Variants in TVP23C observed in about 807,000 individuals in gnomAD.
TVP23C encodes trans-golgi network vesicle protein 23 homolog C, also known as Golgi apparatus membrane protein TVP23 homolog C.
A neutral mutation model predicts 28.7 loss-of-function variants in TVP23C; 19 were observed. The observed-to-expected ratio is 0.66, with a 90% confidence interval of 0.46 to 0.97. TVP23C has a LOEUF of 0.97. TVP23C is among the 50% of genes least tolerant of loss of function. The pLI, the probability that TVP23C is intolerant of heterozygous loss-of-function variation, is 0.00. For missense variants in TVP23C, 186 were observed against 241.3 expected (o/e 0.77, Z 1.52); for synonymous variants, 68 against 81.7 (o/e 0.83, Z 0.90).
intron 4 of TVP23C, among the ~76,000 whole-genome samples, chr17:15,546,418 A>T (rs552565219): frequency 6.6e-6 from 1 of 152,252 alleles, no homozygotes; most frequent in African/African-American, 2.4e-5. Context: ...ATTCCATAAT[A>T]TAAAGGAATA....
chr17:15,552,264 A>T (rs1983925392), intron 3 of TVP23C, among the ~76,000 whole-genome samples: 1 of 152,236 alleles, frequency 6.6e-6, no homozygotes. Flanking sequence ...AAAGAAATGC[A>T]AGCCAAAGAA....
Position 15,538,910 on chromosome 17 carries a change from C to G in TVP23C, c.*1502G>C. The G allele has an allele frequency of 6.1e-6, 6 of 985,828 alleles. No homozygotes were observed. Among genetic ancestry groups the G allele is most frequent in the Non-Finnish European group, 7.2e-6 (6 of 829,922 alleles). 61.1% of individuals were successfully genotyped at this position (985,828 alleles called of 1,614,324 possible). On this transcript the variant is annotated 3_prime_UTR_variant, in exon 6 of 6. Coordinates refer to ENST00000518321, the MANE Select transcript of TVP23C (RefSeq NM_001135036.2). ...TCAGAATGAGATGATCATGTCCCTA[C>G]ATGAATATTCATTTTCTCTACTTTT...
chr17:15,538,224 T>C lies in TVP23C; in HGVS notation c.*2188A>G. 6.2e-7 allele frequency: 1 copy of C among 1,609,796 alleles called. No homozygotes were observed. Among genetic ancestry groups the C allele is most frequent in the Non-Finnish European group, 8.5e-7 (1 of 1,178,540 alleles). ...CTTCACACACCATGGACTTGGGGCC[T>C]AGGCCTAGGAAAACATTCTATATTT... is the stretch of plus-strand genomic sequence containing the variant. On this transcript the variant is annotated 3_prime_UTR_variant, in exon 6 of 6. Transcript: ENST00000518321.
intron 1 of TVP23C, among the ~76,000 whole-genome samples, chr17:15,561,161 C>T (rs1377882022): frequency 1.3e-5 from 2 of 151,646 alleles, no homozygotes; most frequent in African/African-American, 4.9e-5. Context: ...ACGTTACCAG[C>T]TGAGAGAGGA....
intron 5 of TVP23C, among the ~76,000 whole-genome samples, chr17:15,518,966 C>T (rs1368057248): frequency 6.6e-6 from 1 of 152,130 alleles, no homozygotes; most frequent in Non-Finnish European, 1.5e-5. Flanking sequence ...TGAGTTCTCA[C>T]AAGATTTGAT....
Position 15,538,945 on chromosome 17 carries a change from T to C in TVP23C, c.*1467A>G, listed in dbSNP as rs915263260. ...CATTTTCTCTACTTTTCATCTTCTGTGAGAGAAACTGTACAGTAGAATAAA... is the reference window on the plus strand; with the variant it reads ...CATTTTCTCTACTTTTCATCTTCTGCGAGAGAAACTGTACAGTAGAATAAA... On this transcript the variant is annotated 3_prime_UTR_variant, in exon 6 of 6. Coordinates refer to ENST00000518321, the MANE Select transcript of TVP23C (RefSeq NM_001135036.2). 1.0e-6 allele frequency: 1 copy of C among 985,684 alleles called. No homozygotes were observed. The highest frequency in any genetic ancestry group is 1.2e-6 in the Non-Finnish European group (1 of 829,912). 61.1% of individuals were successfully genotyped at this position (985,684 alleles called of 1,614,324 possible). A position where few individuals can be genotyped will look rare whatever the true frequency, so the allele number is the denominator to read the frequency against.
Position 15,523,139 on chromosome 17 carries a change from A to C in TVP23C, c.463-19907T>G, listed in dbSNP as rs542985101. Among the ~76,000 whole-genome samples the C allele has an allele frequency of 8.0e-3, 1,203 of 150,286 alleles. 7 individuals carry two copies. The highest frequency in any genetic ancestry group is 0.013 in the Non-Finnish European group (904 of 67,656). On this transcript the variant is annotated intron_variant, in intron 5 of 5. Coordinates refer to the TVP23C transcript ENST00000225576. ...ATTCTCCTGCCTCGGCCTCCCGAGT[A>C]GCTAGGACTACAGGTGCATGCCGCC...
chr17:15,508,101 CCATT>C (rs1401488912), intron 5 of TVP23C, among the ~76,000 whole-genome samples: 1 of 152,154 alleles, frequency 6.6e-6, no homozygotes, highest in African/African-American at 2.4e-5. Context: ...TGTGGTCTGA[CCATT>C]CAGTCAGATC....
chr17:15,502,762 CCTT>C lies in TVP23C; in HGVS notation c.*99_*101del, dbSNP rs576591308. ...TCTCCTCTCTCCCGTCTCTTTCTCT[CCTT>C]CTCCGTCACTCTCTTCCCTCCCTCT... On this transcript the variant is annotated 3_prime_UTR_variant, in exon 6 of 6. Transcript: ENST00000225576. 359 of 1,411,856 alleles carry C rather than the reference CCTT, an allele frequency of 2.5e-4. No individual in the cohort carries two copies. In the African/African-American group the frequency reaches 4.9e-3, roughly 19 times the overall value. The allele number at this position is 1,411,856 out of a possible 1,614,324, so 87.5% of individuals were successfully genotyped here. A position where few individuals can be genotyped will look rare whatever the true frequency, so the allele number is the denominator to read the frequency against.
chr17:15,527,885 A>T (rs1982792426), intron 5 of TVP23C, among the ~76,000 whole-genome samples: 1 of 152,246 alleles, frequency 6.6e-6, no homozygotes, highest in South Asian at 2.1e-4. Flanking sequence ...TGCTTACATA[A>T]CAGAATGTTC....
rs549230694 is a variant in TVP23C, at chr17:15,521,232, C to T, written c.463-18000G>A. On this transcript the variant is annotated intron_variant, in intron 5 of 5. Transcript: ENST00000225576. ...AAAATTATTATAATCTGGCCAGGTG[C>T]GGTGGCTCACACCTGTAATCCCAGC... is the stretch of plus-strand genomic sequence containing the variant. Among the ~76,000 whole-genome samples the T allele has an allele frequency of 1.7e-4, 26 of 152,162 alleles. No individual in the cohort carries two copies. In the South Asian group the frequency reaches 2.3e-3, roughly 13 times the overall value.
At position 15,538,261 on chromosome 17, in the gene TVP23C, A is replaced by G; in HGVS notation, c.*2151T>C. 3 of 1,556,226 alleles carry G rather than the reference A, an allele frequency of 1.9e-6. No individual in the cohort carries two copies. The highest frequency in any genetic ancestry group is 1.2e-5 in the South Asian group (1 of 82,466). ...AACATTCTATATTTCTAAGCAGAGC[A>G]TTACCTTACATACAATGGCCCAATC... On this transcript the variant is annotated 3_prime_UTR_variant, in exon 6 of 6. Transcript: ENST00000518321.
intron 3 of TVP23C, among the ~76,000 whole-genome samples, chr17:15,550,094 G>A (rs1378190031): frequency 6.6e-6 from 1 of 151,968 alleles, no homozygotes; most frequent in Admixed American, 6.5e-5. Flanking sequence ...CTTATTGCTT[G>A]TTTTTGAAAT....
downstream of TVP23C, among the ~76,000 whole-genome samples, chr17:15,533,319 T>C (rs1190682150): frequency 6.6e-6 from 1 of 152,230 alleles, no homozygotes; most frequent in Non-Finnish European, 1.5e-5. Flanking sequence ...TGCTTGCATA[T>C]GTACATATAA....
intron 5 of TVP23C, among the ~76,000 whole-genome samples, chr17:15,503,923 G>A (rs190127931): frequency 6.4e-4 from 98 of 152,224 alleles, no homozygotes; most frequent in African/African-American, 2.0e-3. Flanking sequence ...TGGAAGGGCT[G>A]GGAAGGGTGG....
chr17:15,550,241 A>G (rs2150856579), intron 3 of TVP23C, among the ~76,000 whole-genome samples: 1 of 152,370 alleles, frequency 6.6e-6, no homozygotes, highest in Non-Finnish European at 1.5e-5. Flanking sequence ...TAAGGTATAA[A>G]TAACTTATAT....
chr17:15,546,700 C>G (rs1983661604), intron 4 of TVP23C, among the ~76,000 whole-genome samples: 1 of 147,210 alleles, frequency 6.8e-6, no homozygotes, highest in African/African-American at 2.5e-5. Flanking sequence ...ACCACAGGAG[C>G]AAAGACAGAA....
intron 5 of TVP23C, among the ~76,000 whole-genome samples, chr17:15,522,527 T>C (rs1982523758): frequency 1.3e-5 from 2 of 152,218 alleles, no homozygotes; most frequent in African/African-American, 4.8e-5. Flanking sequence ...TACAACTGGC[T>C]GTCTACATGG....
At chr17:15,551,626 C>A (rs988258571) in intron 3 of TVP23C, among the ~76,000 whole-genome samples, 26 of 151,998 alleles carry the variant, frequency 1.7e-4, no homozygotes, top group Non-Finnish European at 7.4e-5. Flanking sequence ...GCTTTGAATG[C>A]GGCCCAAGAG....
Sources: allele counts gnomAD v4.1 joint callset (sites outside exome capture counted in the v4.1 genomes callset), GRCh38; gene constraint gnomAD v4.1.1; transcripts MANE v1.5; gene names NCBI Gene and HGNC (gene_info 2026-07-23, HGNC 2026-07-21).